GATB: variants seen among roughly 807,000 people sequenced by gnomAD.
GATB encodes glutamyl-tRNA amidotransferase subunit B.
In GATB, 39 loss-of-function variants were observed where a neutral mutation model predicts 62.3. The ratio of observed to expected loss-of-function variants is 0.63; its 90% CI spans 0.48 to 0.82. The LOEUF (loss-of-function observed/expected upper bound fraction) is 0.82. GATB is among the 40% of genes least tolerant of loss of function. GATB has a pLI of 0.00. For synonymous variants in GATB, 276 were observed against 258.9 expected, an observed-to-expected ratio of 1.07 and a Z score of -0.63; for missense variants, 670 against 684.0, an observed-to-expected ratio of 0.98 and a Z score of 0.23.
At chr4:151,678,771 CA>C (rs1324412402) in intron 11 of GATB, among the ~76,000 whole-genome samples, 1 of 152,236 alleles carries the variant, frequency 6.6e-6, no homozygotes, top group Non-Finnish European at 1.5e-5. Flanking sequence ...ACGTTACATG[CA>C]AAAGGCACCA....
chr4:151,676,759 A>C (rs1738015551), intron 11 of GATB, among the ~76,000 whole-genome samples: 1 of 152,308 alleles, frequency 6.6e-6, no homozygotes, highest in Middle Eastern at 3.4e-3. Flanking sequence ...TCTATTTCTG[A>C]TTCTGAAGAA....
chr4:151,697,616 T>A (rs1354314805), intron 9 of GATB, among the ~76,000 whole-genome samples: 8 of 150,626 alleles, frequency 5.3e-5, no homozygotes, highest in Admixed American at 1.3e-4. Flanking sequence ...ACATTTATAT[T>A]ATAATAAATT....
At chr4:151,701,567 T>C in intron 8 of GATB, 49 bp from the exon 9 acceptor site, 3 of 1,326,250 alleles carry the variant, frequency 2.3e-6, no homozygotes, top group Non-Finnish European at 3.0e-6. Context: ...CTTGGATTAA[T>C]GAGAAAACAA....
At chr4:151,735,315 A>G (rs1739350591) in intron 2 of GATB, among the ~76,000 whole-genome samples, 2 of 152,156 alleles carry the variant, frequency 1.3e-5, no homozygotes, top group Admixed American at 6.5e-5. Flanking sequence ...AAGATATACA[A>G]ATGGCCAACA....
chr4:151,736,282 T>C (rs1051739695), intron 2 of GATB, among the ~76,000 whole-genome samples: 8 of 152,210 alleles, frequency 5.3e-5, no homozygotes, highest in African/African-American at 1.9e-4. Flanking sequence ...AGACACCATA[T>C]ACATGCATAA....
chr4:151,716,071 GT>G lies in GATB; in HGVS notation c.700del (p.Thr234GlnfsTer8). 6.2e-7 allele frequency: 1 copy of G among 1,613,930 alleles called. No homozygotes were observed. The highest frequency in any genetic ancestry group is 8.5e-7 in the Non-Finnish European group (1 of 1,179,944). On this transcript the variant is annotated frameshift_variant, in exon 5 of 13. Coordinates refer to ENST00000263985, the MANE Select transcript of GATB (RefSeq NM_004564.3). LOFTEE classifies it high-confidence loss of function. ...PDMSCGEEAA[T>X]AVRELQLILQ... ...GATCAGCTGCAGCTCCCTGACAGCTGTTGCCGCCTCTTCTCCACAGGACATG... is the reference window on the plus strand; with the variant it reads ...GATCAGCTGCAGCTCCCTGACAGCTGTGCCGCCTCTTCTCCACAGGACATG...
chr4:151,743,988 GA>G (rs1333136782), intron 2 of GATB, among the ~76,000 whole-genome samples: 1 of 152,106 alleles, frequency 6.6e-6, no homozygotes, highest in Non-Finnish European at 1.5e-5. Context: ...TAAAAGCAGG[GA>G]AAAACACTGT....
chr4:151,701,240 C>G, intron 9 of GATB, 89 bp downstream of exon 9: 1 of 1,077,612 alleles, frequency 9.3e-7, no homozygotes, highest in Non-Finnish European at 1.3e-6. Flanking sequence ...CCACTCAGAG[C>G]CCATGGCAGC....
chr4:151,715,891 G>C, intron 5 of GATB, 118 bp downstream of exon 5: 1 of 1,182,910 alleles, frequency 8.5e-7, no homozygotes, highest in East Asian at 2.9e-5. Flanking sequence ...AAAAGGCTGG[G>C]GAAAAAATGG....
At chr4:151,728,003 T>C (rs1401107503) in intron 2 of GATB, among the ~76,000 whole-genome samples, 1 of 152,202 alleles carries the variant, frequency 6.6e-6, no homozygotes, top group Non-Finnish European at 1.5e-5. Context: ...ATGTATTATG[T>C]CAACATAATA....
intron 2 of GATB, among the ~76,000 whole-genome samples, chr4:151,739,609 C>A (rs1241976028): frequency 1.3e-5 from 2 of 152,190 alleles, no homozygotes; most frequent in Non-Finnish European, 2.9e-5. Flanking sequence ...ACAAAGAATT[C>A]CGCAAGACTC....
intron 10 of GATB, among the ~76,000 whole-genome samples, chr4:151,685,775 C>T (rs1047395777): frequency 6.8e-4 from 103 of 152,330 alleles, no homozygotes; most frequent in Non-Finnish European, 3.8e-4. Flanking sequence ...CCAAGAGGCG[C>T]GGTGGCTCAC....
chr4:151,760,965 C>A lies in GATB; in HGVS notation c.18G>T (p.Leu6=), dbSNP rs758506668. The part of the protein sequence containing the change: MAAPM[L]RWGCRGRRWA... ...AACGTCTTCCACGGCAGCCCCAGCG[C>A]AGCATGGGCGCCGCCATTGTAACTC... is the stretch of plus-strand genomic sequence containing the variant. Residue 6 remains leucine (L), a synonymous_variant, in exon 1 of 13, where the codon CTG becomes CTT. Coordinates refer to ENST00000263985, the MANE Select transcript of GATB (RefSeq NM_004564.3). 6.2e-6 allele frequency: 10 copies of A among 1,611,654 alleles called. No homozygotes were observed. In the African/African-American group the frequency reaches 1.1e-4, roughly 17 times the overall value.
chr4:151,716,363 G>A lies in GATB; in HGVS notation c.641-232C>T, dbSNP rs1257543681. On this transcript the variant is annotated intron_variant, in intron 4 of 12. Transcript: ENST00000263985. Reference sequence around the variant, plus strand: ...AGTGGCATGATCATAGCTCACTGCAGCCCTGAACTTTTGAGCTCAAGTGAT... The same window carrying A: ...AGTGGCATGATCATAGCTCACTGCAACCCTGAACTTTTGAGCTCAAGTGAT... The A allele has an allele frequency of 1.8e-5, 8 of 456,082 alleles. No individual in the cohort carries two copies. The Admixed American group carries it at 2.8e-4, about 16-fold the overall frequency. 28.3% of individuals were successfully genotyped at this position (456,082 alleles called of 1,614,324 possible). A position where few individuals can be genotyped will look rare whatever the true frequency, so the allele number is the denominator to read the frequency against.
chr4:151,737,522 T>G (rs916572314), intron 2 of GATB, among the ~76,000 whole-genome samples: 1 of 152,220 alleles, frequency 6.6e-6, no homozygotes, highest in Non-Finnish European at 1.5e-5. Context: ...ACCCATTTTC[T>G]GAGGAGAAAT....
intron 6 of GATB, among the ~76,000 whole-genome samples, chr4:151,706,194 G>T (rs12502967): frequency 6.6e-6 from 1 of 152,144 alleles, no homozygotes; most frequent in Non-Finnish European, 1.5e-5. Flanking sequence ...GAAAAAGGTG[G>T]TGAAAAATCA....
chr4:151,674,839 G>A (rs915143544), intron 11 of GATB: 1 of 152,226 alleles, frequency 6.6e-6, no homozygotes, highest in Non-Finnish European at 1.5e-5. Flanking sequence ...GTAAGGACTT[G>A]CTCGTGAAAA....
intron 7 of GATB, 72 bp downstream of exon 7, chr4:151,705,112 TG>T: frequency 1.0e-6 from 1 of 980,620 alleles, no homozygotes; most frequent in Non-Finnish European, 1.6e-6. Flanking sequence ...GTCACATGGC[TG>T]GTCAGTGGCT....
intron 9 of GATB, among the ~76,000 whole-genome samples, chr4:151,699,028 CA>C (rs1012783714): frequency 6.6e-6 from 1 of 150,762 alleles, no homozygotes; most frequent in Non-Finnish European, 1.5e-5. Flanking sequence ...TCTTGGAAGG[CA>C]AAAAAAATCT....
Sources: allele counts gnomAD v4.1 joint callset (sites outside exome capture counted in the v4.1 genomes callset), GRCh38; gene constraint gnomAD v4.1.1; transcripts MANE v1.5; gene names NCBI Gene and HGNC (gene_info 2026-07-23, HGNC 2026-07-21).